DOCK4: variants seen among roughly 807,000 people sequenced by gnomAD.
DOCK4 encodes the protein dedicator of cytokinesis protein 4.
Under a neutral mutation model 268.1 loss-of-function variants are expected in DOCK4, and 97 were observed. The observed-to-expected ratio is 0.36, with a 90% CI of 0.31 to 0.43. The LOEUF (loss-of-function observed/expected upper bound fraction) is 0.43, where lower values mean the gene tolerates loss of function less well. Ranked by LOEUF, DOCK4 falls within the 20% of genes least tolerant of loss-of-function variation. The pLI is 1.00. For synonymous variants in DOCK4, 954 were observed against 887.2 expected (o/e 1.08, Z -1.34); for missense variants, 2,145 against 2,455.7 (o/e 0.87, Z 2.67).
At chr7:111,879,220 G>T (rs557715721) in intron 16 of DOCK4, among the ~76,000 whole-genome samples, 16 of 152,026 alleles carry the variant, frequency 1.1e-4, no homozygotes, top group African/African-American at 3.9e-4. Context: ...ACCCATCCTG[G>T]GCCAAAAGGG....
chr7:111,901,149 C>T (rs1791108942), intron 14 of DOCK4, among the ~76,000 whole-genome samples: 1 of 152,068 alleles, frequency 6.6e-6, no homozygotes, highest in Admixed American at 6.6e-5. Flanking sequence ...GCCTGGCCAA[C>T]ACGGTGAAAC....
chr7:111,955,581 T>C (rs895852916), intron 8 of DOCK4, among the ~76,000 whole-genome samples: 12 of 152,226 alleles, frequency 7.9e-5, no homozygotes, highest in Non-Finnish European at 1.6e-4. Context: ...TGTACAATAT[T>C]CTCCGTCACG....
At chr7:111,771,316 C>G (rs1798109077) in intron 36 of DOCK4, among the ~76,000 whole-genome samples, 1 of 152,208 alleles carries the variant, frequency 6.6e-6, no homozygotes, top group African/African-American at 2.4e-5. Flanking sequence ...GTTGGAGCCC[C>G]CGGACCCCAT....
rs549497274 is a variant in DOCK4, at chr7:111,942,522, A to G, written c.845-2280T>C. ...TGGTTCTCTTCACCGCCTTGCCTCTAGTTTCAATAAAAAACTTTCCTGCCA... is the reference window on the plus strand; with the variant it reads ...TGGTTCTCTTCACCGCCTTGCCTCTGGTTTCAATAAAAAACTTTCCTGCCA... On this transcript the variant is annotated intron_variant, in intron 10 of 52. Coordinates refer to ENST00000428084, the MANE Select transcript of DOCK4 (RefSeq NM_001363540.2). Among the ~76,000 whole-genome samples the G allele has an allele frequency of 3.7e-4, 57 of 152,232 alleles. No homozygotes were observed. In the South Asian group the frequency reaches 9.8e-3, roughly 26 times the overall value.
chr7:111,768,843 C>G (rs1197490015), intron 37 of DOCK4, among the ~76,000 whole-genome samples: 1 of 152,274 alleles, frequency 6.6e-6, no homozygotes, highest in East Asian at 1.9e-4. Flanking sequence ...AATACAATAT[C>G]TGCGTGCTAT....
At chr7:111,964,931 C>A (rs1045027604) in intron 8 of DOCK4, among the ~76,000 whole-genome samples, 3 of 113,138 alleles carry the variant, frequency 2.7e-5, no homozygotes, top group African/African-American at 1.3e-4. Context: ...ATTTTCAACC[C>A]AGAATTTCAT....
At chr7:111,791,827 C>T (rs1799572822) in intron 30 of DOCK4, among the ~76,000 whole-genome samples, 1 of 152,190 alleles carries the variant, frequency 6.6e-6, no homozygotes. Context: ...GCCTCGGCCT[C>T]CCAAAGTGCT....
At chr7:111,837,436 T>C (rs1803320487) in intron 25 of DOCK4, among the ~76,000 whole-genome samples, 1 of 152,156 alleles carries the variant, frequency 6.6e-6, no homozygotes, top group Non-Finnish European at 1.5e-5. Flanking sequence ...CAATCAGGAA[T>C]ACAGGTTTGA....
At chr7:111,825,666 A>G (rs1248683142) in intron 26 of DOCK4, among the ~76,000 whole-genome samples, 1 of 152,180 alleles carries the variant, frequency 6.6e-6, no homozygotes, top group Non-Finnish European at 1.5e-5. Flanking sequence ...ACAGCACAAC[A>G]TGGTCACTTA....
intron 1 of DOCK4, among the ~76,000 whole-genome samples, chr7:112,155,261 C>A (rs1816509617): frequency 1.3e-5 from 2 of 152,058 alleles, no homozygotes; most frequent in South Asian, 4.1e-4. Context: ...TCATGTATCC[C>A]CAAAAGAAGT....
intron 1 of DOCK4, among the ~76,000 whole-genome samples, chr7:112,015,165 C>T (rs191138760): frequency 1.1e-4 from 16 of 152,264 alleles, no homozygotes; most frequent in East Asian, 1.9e-4. Flanking sequence ...AAGATGGCAA[C>T]GAAACTGACC....
At chr7:111,988,746 C>T (rs9655814) in intron 6 of DOCK4, among the ~76,000 whole-genome samples, 6,788 of 152,306 alleles carry the variant, frequency 0.045, 261 homozygotes, top group East Asian at 0.12. Flanking sequence ...TAGTTCATTG[C>T]TGTGAACATT....
chr7:111,936,301 C>G (rs1794730445), intron 11 of DOCK4, among the ~76,000 whole-genome samples: 1 of 152,230 alleles, frequency 6.6e-6, no homozygotes, highest in Non-Finnish European at 1.5e-5. Flanking sequence ...CGTCTTTTCA[C>G]AGCAATCTGT....
At chr7:111,907,184 C>T (rs1791652429) in intron 13 of DOCK4, among the ~76,000 whole-genome samples, 1 of 152,092 alleles carries the variant, frequency 6.6e-6, no homozygotes, top group African/African-American at 2.4e-5. Context: ...GAGTAAAACC[C>T]ATCAGGTTTT....
At chr7:111,783,755 T>C (rs1243911891) in intron 34 of DOCK4, 102 bp downstream of exon 34, 8 of 1,035,988 alleles carry the variant, frequency 7.7e-6, no homozygotes, top group African/African-American at 4.8e-5. Context: ...TGATAATCAA[T>C]TGAGTGATTC....
chr7:111,755,495 G>C lies in DOCK4; in HGVS notation c.4416+20C>G, dbSNP rs1437853364. ...ACAACTGTGATGAGAAAGTGCTTGA[G>C]AACAAGCTCTGATCCTTACCACTTC... On this transcript the variant is annotated intron_variant, in intron 42 of 52. Transcript: ENST00000428084. The C allele has an allele frequency of 3.1e-6, 5 of 1,610,796 alleles. No individual in the cohort carries two copies. In the East Asian group the frequency reaches 1.1e-4, roughly 36 times the overall value.
At chr7:112,041,745 C>T (rs1441696760) in intron 1 of DOCK4, among the ~76,000 whole-genome samples, 2 of 152,158 alleles carry the variant, frequency 1.3e-5, no homozygotes, top group African/African-American at 4.8e-5. Flanking sequence ...TTCCTTTTCT[C>T]ATCAATAAAA....
At chr7:111,961,695 T>A (rs1336111465) in intron 8 of DOCK4, among the ~76,000 whole-genome samples, 1 of 152,252 alleles carries the variant, frequency 6.6e-6, no homozygotes, top group African/African-American at 2.4e-5. Flanking sequence ...ATAACGTATG[T>A]GTGATATAAC....
intron 1 of DOCK4, among the ~76,000 whole-genome samples, chr7:112,012,971 G>T (rs1015160135): frequency 5.9e-5 from 9 of 151,998 alleles, no homozygotes; most frequent in Non-Finnish European, 1.0e-4. Flanking sequence ...GGCCAGCCCA[G>T]TATCATGAAA....
Sources: gnomAD v4.1 joint callset for allele counts (sites outside exome capture counted in the v4.1 genomes callset) on GRCh38, gnomAD v4.1.1 for gene constraint, MANE v1.5 for transcripts, NCBI Gene and HGNC (gene_info 2026-07-23, HGNC 2026-07-21) for gene names.